Variants in DYNLT1 observed in about 807,000 individuals in gnomAD.
DYNLT1 encodes the protein dynein light chain Tctex-type 1, also known as T-complex testis-specific protein 1 homolog.
A neutral mutation model predicts 19.6 loss-of-function variants in DYNLT1; 18 were observed. The observed-to-expected ratio is 0.92, with a 90% CI of 0.64 to 1.36. The LOEUF is 1.36. Ranked by LOEUF, DYNLT1 falls within the 40% of genes most tolerant of loss-of-function variation. The probability of loss-of-function intolerance (pLI) is 0.00; values close to 1 mark genes in which losing one functional copy is unlikely to be tolerated. For synonymous variants in DYNLT1, 56 were observed against 44.0 expected (o/e 1.27, Z -1.07); for missense variants, 137 against 139.3 (o/e 0.98, Z 0.08).
In DYNLT1 at chr6:158,636,893, G is replaced by A; in HGVS notation, c.276C>T (p.Ser92=). 6.2e-7 allele frequency: 1 copy of A among 1,613,522 alleles called. No individual in the cohort carries two copies. Among genetic ancestry groups the A allele is most frequent in the East Asian group, 2.2e-5 (1 of 44,888 alleles). ...SCFWDSSTDG[S]CTVRWENKTM... is the part of the protein sequence containing the mutation. ...TCTTATTCTCCCATCGCACAGTGCA[G>A]CTCCCTGCGGGAGGGAAGAGAGCAG... Residue 92 remains serine (S), a synonymous_variant, in exon 5 of 5, where the codon AGC becomes AGT. Coordinates refer to ENST00000367089, the MANE Select transcript of DYNLT1 (RefSeq NM_006519.4).
At chr6:158,641,387 T>C (rs906457104) in intron 1 of DYNLT1, 27 bp from the exon 2 acceptor site, 3 of 1,574,784 alleles carry the variant, frequency 1.9e-6, no homozygotes, top group African/African-American at 1.4e-5. Context: ...TCAGTTAAGT[T>C]TGATTTATTT....
chr6:158,636,758 G>T lies in DYNLT1; in HGVS notation c.*69C>A. 1 of 1,492,940 alleles carries T rather than the reference G, an allele frequency of 6.7e-7. No homozygotes were observed. Among genetic ancestry groups the T allele is most frequent in the Admixed American group, 2.0e-5 (1 of 49,226 alleles). The allele number at this position is 1,492,940 out of a possible 1,614,324, so 92.5% of individuals were successfully genotyped here. On this transcript the variant is annotated 3_prime_UTR_variant, in exon 5 of 5. Transcript: ENST00000367089. The stretch of plus-strand genomic sequence containing the variant: ...AAAGAGAATGAGAAAAGAGTTCACT[G>T]AATTCATGGCTGGTGGTTAGAGGAT...
chr6:158,644,097 A>T (rs1345670222), intron 1 of DYNLT1, among the ~76,000 whole-genome samples: 2 of 151,822 alleles, frequency 1.3e-5, no homozygotes, highest in Non-Finnish European at 2.9e-5. Context: ...GCTTTCTTAC[A>T]GACATATTAA....
rs1787008147 is a variant in DYNLT1 at position 158,636,796 on chromosome 6, A to G, written c.*31T>C. On this transcript the variant is annotated 3_prime_UTR_variant, in exon 5 of 5. Transcript: ENST00000367089. ...GTGGTTAGAGGATGAACTAGAGACA[A>G]AAGGAGAAAGGCCATAGGCTGGACT... 1.9e-6 allele frequency: 3 copies of G among 1,597,082 alleles called. No individual in the cohort carries two copies. The highest frequency in any genetic ancestry group is 1.1e-5 in the South Asian group (1 of 88,938).
intron 1 of DYNLT1, 72 bp downstream of exon 1, chr6:158,644,610 G>T: frequency 1.3e-6 from 2 of 1,587,706 alleles, no homozygotes; most frequent in East Asian, 4.5e-5. Flanking sequence ...AGGCCTTTCC[G>T]GGCAGGACCG....
At chr6:158,641,167 CT>C in intron 2 of DYNLT1, 151 bp downstream of exon 2, 1 of 605,332 alleles carries the variant, frequency 1.7e-6, no homozygotes, top group Non-Finnish European at 2.8e-6. Flanking sequence ...AGAAGCAACT[CT>C]TATCTAGCTA....
In DYNLT1 at chr6:158,641,595, G is replaced by A. The variant is rs577956607; in HGVS notation, c.28-235C>T. ...ATTTTTATTTATTTATTTTTGAGAC[G>A]GAGTGTCGCTCTGTAGCCCAGGCTG... On this transcript the variant is annotated intron_variant, in intron 1 of 4. Transcript: ENST00000367089. 5.0e-5 allele frequency: 15 copies of A among 300,092 alleles called. No individual in the cohort carries two copies. In the South Asian group the frequency reaches 1.0e-3, roughly 21 times the overall value. The allele number at this position is 300,092 out of a possible 1,614,324, so 18.6% of individuals were successfully genotyped here.
rs759806091 is a variant in DYNLT1 at position 158,639,691 on chromosome 6, GTTTT to G, written c.69+1624_69+1627del. Among the ~76,000 whole-genome samples, 167 of 151,870 alleles carry G rather than the reference GTTTT, an allele frequency of 1.1e-3. 1 individual carries two copies. Among genetic ancestry groups the G allele is most frequent in the Non-Finnish European group, 2.2e-3 (147 of 67,950 alleles). ...ATTGGAAATGTGTTTGTTTTGTTTT[GTTTT>G]TTTAAGACAGAGTCTTGCTCTGTCG... On this transcript the variant is annotated intron_variant, in intron 2 of 4. Transcript: ENST00000367089.
intron 1 of DYNLT1, chr6:158,641,627 A>G (rs907533606): frequency 4.3e-6 from 1 of 231,280 alleles, no homozygotes; most frequent in African/African-American, 2.3e-5. Context: ...GCTGGAATGC[A>G]GTGGCGCAAT....
chr6:158,641,336 T>G lies in DYNLT1; in HGVS notation c.52A>C (p.Ser18Arg), dbSNP rs995893233. The stretch of plus-strand genomic sequence containing the variant: ...CCTCTTACCTCTTTTACAATGTTGC[T>G]CACTTCATCAACAACAAAAGCAGTC... ...EETAFVVDEV[S>R]NIVKEAIESA... is the part of the protein sequence containing the mutation. The change falls in exon 2 of 5, where the codon AGC (serine) becomes CGC (arginine). Residue 18 changes from serine (S) to arginine (R), a missense_variant. Coordinates refer to ENST00000367089, the MANE Select transcript of DYNLT1 (RefSeq NM_006519.4). 6.3e-7 allele frequency: 1 copy of G among 1,598,798 alleles called. No individual in the cohort carries two copies. The highest frequency in any genetic ancestry group is 8.5e-7 in the Non-Finnish European group (1 of 1,175,296).
At chr6:158,641,441 G>A (rs977980096) in intron 1 of DYNLT1, 81 bp from the exon 2 acceptor site, 2 of 1,250,886 alleles carry the variant, frequency 1.6e-6, no homozygotes, top group Non-Finnish European at 2.2e-6. Context: ...TGTAGGTAAT[G>A]AACATAATGT....
In DYNLT1 at chr6:158,641,374, C is replaced by T. The variant is rs1299959708; in HGVS notation, c.28-14G>A. On this transcript the variant is annotated splice_polypyrimidine_tract_variant and intron_variant, in intron 1 of 4. Coordinates refer to ENST00000367089, the MANE Select transcript of DYNLT1 (RefSeq NM_006519.4). ...AACAAAAGCAGTCTGTAAGGAAGAA[C>T]ATTCAGTTAAGTTTGATTTATTTAA... The T allele has an allele frequency of 2.5e-6, 4 of 1,585,630 alleles. No individual in the cohort carries two copies. Among genetic ancestry groups the T allele is most frequent in the African/African-American group, 1.4e-5 (1 of 73,472 alleles).
chr6:158,642,894 T>C (rs776749223), intron 1 of DYNLT1: 1 of 152,090 alleles, frequency 6.6e-6, no homozygotes, highest in Non-Finnish European at 1.5e-5. Context: ...GTTGAGAGAA[T>C]AGTTACAAAG....
chr6:158,637,483 A>G (rs1023143851), intron 3 of DYNLT1: 7 of 616,954 alleles, frequency 1.1e-5, no homozygotes, highest in African/African-American at 1.1e-4. Flanking sequence ...GAAAAATTCT[A>G]AGTTGAGCCA....
Position 158,637,819 on chromosome 6 carries a change from G to T in DYNLT1, c.145C>A (p.Gln49Lys), listed in dbSNP as rs943471261. The T allele has an allele frequency of 1.2e-6, 2 of 1,612,992 alleles. No individual in the cohort carries two copies. Among genetic ancestry groups the T allele is most frequent in the Non-Finnish European group, 1.7e-6 (2 of 1,180,040 alleles). ...VNQWTTNVVE[Q>K]TLSQLTKLGK... ...AGCTTGGTGAGTTGGCTTAAAGTTT[G>T]TTCTACTACATTTGTGGTCCACTGG... Residue 49 changes from glutamine to lysine, a missense_variant, in exon 3 of 5, where the codon CAA becomes AAA. Physicochemically the swap from Gln to Lys is moderately conservative, Grantham distance 53 (BLOSUM62 1). Coordinates refer to ENST00000367089, the MANE Select transcript of DYNLT1 (RefSeq NM_006519.4).
chr6:158,637,569 A>G, intron 3 of DYNLT1: 1 of 761,118 alleles, frequency 1.3e-6, no homozygotes, highest in African/African-American at 1.7e-5. Flanking sequence ...CTCCTGTAAG[A>G]TCCCGCTTCA....
In DYNLT1 at chr6:158,636,541, C is replaced by G. The variant is rs541858193; in HGVS notation, c.*286G>C. On this transcript the variant is annotated 3_prime_UTR_variant, in exon 5 of 5. Transcript: ENST00000367089. Reference sequence around the variant, plus strand: ...GAAAATTAGTGTATTTGAATCATTTCAGAGAGTAGAGCAAGTTTCACACTA... The same window carrying G: ...GAAAATTAGTGTATTTGAATCATTTGAGAGAGTAGAGCAAGTTTCACACTA... 5.7e-5 allele frequency: 21 copies of G among 370,090 alleles called. No individual in the cohort carries two copies. Among genetic ancestry groups the G allele is most frequent in the Admixed American group, 8.2e-5 (2 of 24,514 alleles). The allele number at this position is 370,090 out of a possible 1,614,324, so 22.9% of individuals were successfully genotyped here.
intron 1 of DYNLT1, among the ~76,000 whole-genome samples, chr6:158,643,707 C>G (rs1431613900): frequency 6.6e-6 from 1 of 152,214 alleles, no homozygotes; most frequent in African/African-American, 2.4e-5. Flanking sequence ...TCTCGAACTC[C>G]TGACCTCAGG....
In DYNLT1 at chr6:158,643,226, T is replaced by C. The variant is rs1221502124; in HGVS notation, c.27+1456A>G. The stretch of plus-strand genomic sequence containing the variant: ...TTAGAAGTTTTACTCGATATTACTG[T>C]AATACAAGACATTTTCCAATATTAT... On this transcript the variant is annotated intron_variant, in intron 1 of 4. Coordinates refer to ENST00000367089, the MANE Select transcript of DYNLT1 (RefSeq NM_006519.4). 2.6e-5 allele frequency among the ~76,000 whole-genome samples: 4 copies of C among 152,352 alleles called. No homozygotes were observed. In the South Asian group the frequency reaches 8.3e-4, roughly 32 times the overall value.
Sources: gnomAD v4.1 joint callset for allele counts (sites outside exome capture counted in the v4.1 genomes callset) on GRCh38, gnomAD v4.1.1 for gene constraint, MANE v1.5 for transcripts, NCBI Gene and HGNC (gene_info 2026-07-23, HGNC 2026-07-21) for gene names.